LPIN1: variants seen among roughly 807,000 people sequenced by gnomAD.
LPIN1 encodes lipin 1, also known as phosphatidate phosphatase LPIN1.
In LPIN1, 71 loss-of-function variants were observed where a neutral mutation model predicts 107.5. That is an observed-to-expected ratio of 0.66 (90% CI 0.55 to 0.80). The LOEUF (loss-of-function observed/expected upper bound fraction) is 0.80. LPIN1 is among the 30% of genes least tolerant of loss of function. LPIN1 has a pLI of 0.00. For missense variants in LPIN1, 1,043 were observed against 1,160.6 expected (o/e 0.90, Z 1.47); for synonymous variants, 445 against 452.6 (o/e 0.98, Z 0.21).
Position 11,784,468 on chromosome 2 carries a change from A to G in LPIN1, c.1359-418A>G, listed in dbSNP as rs547018222. On this transcript the variant is annotated intron_variant, in intron 9 of 20. Transcript: ENST00000674199. Reference sequence around the variant, plus strand: ...TGCCCTCCCTGCAAAGCCTGAGGTCATGTTGTCCACAGTGGTCGTGGTCCA... The same window carrying G: ...TGCCCTCCCTGCAAAGCCTGAGGTCGTGTTGTCCACAGTGGTCGTGGTCCA... 1.1e-4 allele frequency among the ~76,000 whole-genome samples: 16 copies of G among 152,280 alleles called. No homozygotes were observed. The East Asian group carries it at 2.9e-3, about 28-fold the overall frequency.
rs1057245689 is a variant in LPIN1, at chr2:11,765,131, C to T, written c.-9-402C>T. Among the ~76,000 whole-genome samples the T allele has an allele frequency of 4.6e-5, 7 of 150,852 alleles. No homozygotes were observed. The highest frequency in any genetic ancestry group is 4.9e-5 in the African/African-American group (2 of 40,904). On this transcript the variant is annotated intron_variant, in intron 1 of 20. Transcript: ENST00000674199. The surrounding 1 kb of genome is among the most constrained non-coding windows in gnomAD (Gnocchi z 4.4). ...TGGGCCATGGTGGACACTGATGGGCCGTAATGGGCCATGATGGACCGTGAT... is the reference window on the plus strand; with the variant it reads ...TGGGCCATGGTGGACACTGATGGGCTGTAATGGGCCATGATGGACCGTGAT...
rs535591888 is a variant in LPIN1 at position 11,739,417 on chromosome 2, A to T, written c.-71-1932A>T. ...AAATACCTGTTGATTCAAGCTGCTA[A>T]GTTTTGAGGTAAATTTTATGCAACA... is the stretch of plus-strand genomic sequence containing the variant. On this transcript the variant is annotated intron_variant, in intron 1 of 21. Transcript: ENST00000396097. Among the ~76,000 whole-genome samples the T allele has an allele frequency of 2.6e-5, 4 of 152,354 alleles. No individual in the cohort carries two copies. The South Asian group carries it at 6.2e-4, about 24-fold the overall frequency.
chr2:11,767,869 C>CT lies in LPIN1; in HGVS notation c.288+12dup. 1 of 1,560,986 alleles carries CT rather than the reference C, an allele frequency of 6.4e-7. No individual in the cohort carries two copies. The highest frequency in any genetic ancestry group is 8.8e-7 in the Non-Finnish European group (1 of 1,131,574). ...ACAGATAATGATCAGGTAAGGAAGC[C>CT]TGGGTGGTCAGGGTTACTTCCTAGT... On this transcript the variant is annotated intron_variant, in intron 3 of 20. Coordinates refer to ENST00000674199, the MANE Select transcript of LPIN1 (RefSeq NM_001349206.2).
At chr2:11,764,681 C>A (rs1417536767) in intron 1 of LPIN1, among the ~76,000 whole-genome samples, 3 of 152,194 alleles carry the variant, frequency 2.0e-5, no homozygotes, top group African/African-American at 7.2e-5. Flanking sequence ...TTGTCACAAA[C>A]AAAAATCATT....
At chr2:11,785,646 C>G (rs1282402108) in intron 10 of LPIN1, among the ~76,000 whole-genome samples, 2 of 152,116 alleles carry the variant, frequency 1.3e-5, no homozygotes, top group African/African-American at 2.4e-5. Context: ...CCCTGCACCC[C>G]TCCCGCCCCC....
Position 11,779,520 on chromosome 2 carries a change from C to T in LPIN1, c.832C>T (p.Pro278Ser), listed in dbSNP as rs1673216925. 1.2e-6 allele frequency: 2 copies of T among 1,613,266 alleles called. No individual in the cohort carries two copies. The highest frequency in any genetic ancestry group is 2.2e-5 in the East Asian group (1 of 44,894). The change falls in exon 7 of 21, where the codon CCT (proline) becomes TCT (serine). Residue 278 changes from proline (P) to serine (S), a missense_variant and splice_region_variant. Coordinates refer to ENST00000674199, the MANE Select transcript of LPIN1 (RefSeq NM_001349206.2). ...TTTTCGCTTTGTGTTTTCCTTAAGT[C>T]CTTCCGGTTCCCGACCTTCAACACC... is the stretch of plus-strand genomic sequence containing the variant. ...QSSLFHPSESPSGSRPSTPKS... is the reference protein window; with the variant it reads ...QSSLFHPSESSSGSRPSTPKS...
intron 1 of LPIN1, among the ~76,000 whole-genome samples, chr2:11,693,784 G>GTGTATATATATA (rs1491206452): frequency 1.3e-3 from 68 of 53,788 alleles, no homozygotes; most frequent in African/African-American, 1.0e-2. Context: ...GTGTGTGTGA[G>GTGTATATATATA]TGTGTATATA....
chr2:11,825,796 G>C lies in LPIN1; in HGVS notation c.*1005G>C, dbSNP rs1682293706. 1 of 152,146 alleles carries C rather than the reference G, an allele frequency of 6.6e-6. No homozygotes were observed. Among genetic ancestry groups the C allele is most frequent in the African/African-American group, 2.4e-5 (1 of 41,426 alleles). The allele number at this position is 152,146 out of a possible 1,614,324, so 9.4% of individuals were successfully genotyped here. On this transcript the variant is annotated 3_prime_UTR_variant, in exon 21 of 21. Transcript: ENST00000674199. The surrounding 1 kb of genome is among the most constrained non-coding windows in gnomAD (Gnocchi z 4.1). ...TATATTCTTTTAGATATTATGTATT[G>C]TTTTACTCTGATTAGGTTACTGTGA...
intron 11 of LPIN1, among the ~76,000 whole-genome samples, chr2:11,787,519 G>A (rs556402334): frequency 6.8e-6 from 1 of 146,866 alleles, no homozygotes; most frequent in South Asian, 2.2e-4. Flanking sequence ...TCCCACCTCC[G>A]CCTCGCAAAG....
intron 1 of LPIN1, among the ~76,000 whole-genome samples, chr2:11,699,065 C>T (rs1177390716): frequency 6.6e-6 from 1 of 152,160 alleles, no homozygotes; most frequent in Non-Finnish European, 1.5e-5. Flanking sequence ...CAAAGAAACT[C>T]AGTTTCTTCA....
intron 9 of LPIN1, chr2:11,784,402 T>C (rs1467998807): frequency 9.0e-6 from 10 of 1,115,758 alleles, no homozygotes; most frequent in African/African-American, 1.7e-5. Flanking sequence ...GTGCGGGTAC[T>C]GGGCGGCGCC....
intron 9 of LPIN1, 27 bp from the exon 10 acceptor site, chr2:11,784,859 G>T (rs764629955): frequency 6.2e-7 from 1 of 1,611,738 alleles, no homozygotes; most frequent in East Asian, 2.2e-5. Flanking sequence ...GTCCTCAGCC[G>T]GTCTCTGCCG....
At chr2:11,779,741 AC>A in intron 7 of LPIN1, 96 bp downstream of exon 7, 1 of 1,549,440 alleles carries the variant, frequency 6.5e-7, no homozygotes, top group Non-Finnish European at 8.9e-7. Context: ...AAACACAGCT[AC>A]CAGGAGCCAG....
rs1224862095 is a variant in LPIN1 at position 11,786,823 on chromosome 2, A to G, written c.1550-251A>G. ...TCACCCCTACTCCCTGTGTGAACGT[A>G]TGTGCCTCAACTAAGGTACACGTCC... is the stretch of plus-strand genomic sequence containing the variant. On this transcript the variant is annotated intron_variant, in intron 10 of 20. Coordinates refer to ENST00000674199, the MANE Select transcript of LPIN1 (RefSeq NM_001349206.2). The surrounding 1 kb of genome is among the most constrained non-coding windows in gnomAD (Gnocchi z 4.1). Among the ~76,000 whole-genome samples, 2 of 152,218 alleles carry G rather than the reference A, an allele frequency of 1.3e-5. No homozygotes were observed. The highest frequency in any genetic ancestry group is 4.8e-5 in the African/African-American group (2 of 41,466).
Position 11,824,963 on chromosome 2 carries a change from T to C in LPIN1, c.*172T>C, listed in dbSNP as rs1346345836. 4.2e-6 allele frequency: 3 copies of C among 715,466 alleles called. No individual in the cohort carries two copies. Among genetic ancestry groups the C allele is most frequent in the Non-Finnish European group, 4.6e-6 (2 of 431,756 alleles). The allele number at this position is 715,466 out of a possible 1,614,324, so 44.3% of individuals were successfully genotyped here. The stretch of plus-strand genomic sequence containing the variant: ...CCTGCCCCACCCCGGGGCTGACATT[T>C]CTAAGCAAGATAGGAAGGGAGCACT... On this transcript the variant is annotated 3_prime_UTR_variant, in exon 21 of 21. Coordinates refer to ENST00000674199, the MANE Select transcript of LPIN1 (RefSeq NM_001349206.2).
At chr2:11,713,533 A>G (rs1236613518) in intron 1 of LPIN1, among the ~76,000 whole-genome samples, 1 of 152,214 alleles carries the variant, frequency 6.6e-6, no homozygotes, top group African/African-American at 2.4e-5. Flanking sequence ...GGCCTTCCAA[A>G]GTGCTGGGAT....
chr2:11,706,184 T>C (rs1382495592), intron 1 of LPIN1, among the ~76,000 whole-genome samples: 1 of 152,224 alleles, frequency 6.6e-6, no homozygotes. Context: ...GGTATGTCTT[T>C]ATCAGCAGTG....
At chr2:11,793,728 G>A (rs1403951288) in intron 13 of LPIN1, among the ~76,000 whole-genome samples, 1 of 152,196 alleles carries the variant, frequency 6.6e-6, no homozygotes, top group Non-Finnish European at 1.5e-5. Flanking sequence ...AGTCTGGTCT[G>A]CTGTCCTCTG....
chr2:11,741,191 T>C (rs183086054), intron 1 of LPIN1: 2 of 561,592 alleles, frequency 3.6e-6, no homozygotes, highest in South Asian at 2.3e-5. Flanking sequence ...AGCATCCCCA[T>C]AGAGGGACTG....
Sources: gnomAD v4.1 joint callset for allele counts (sites outside exome capture counted in the v4.1 genomes callset) on GRCh38, gnomAD v4.1.1 for gene constraint, Gnocchi (gnomAD v3.1) non-coding constraint, MANE v1.5 for transcripts, NCBI Gene and HGNC (gene_info 2026-07-23, HGNC 2026-07-21) for gene names.